The following NHSL1 variants were observed in gnomAD, a reference collection of about 807,000 sequenced individuals.
NHSL1 encodes NHS like 1.
Under a neutral mutation model 95.0 loss-of-function variants are expected in NHSL1, and 48 were observed. That is an observed-to-expected ratio of 0.51 (90% CI 0.40 to 0.64). The LOEUF (loss-of-function observed/expected upper bound fraction) is 0.64. Among genes scored for constraint, NHSL1 ranks in the 30% least tolerant of loss-of-function variants. The pLI is 0.00. For synonymous variants in NHSL1, 783 were observed against 833.9 expected (o/e 0.94, Z 1.05); for missense variants, 1,971 against 2,077.7 (o/e 0.95, Z 1.00).
rs74543056 is a variant in NHSL1, at chr6:138,510,133, A to G, written c.17-13762T>C. On this transcript the variant is annotated intron_variant, in intron 1 of 4. Transcript: ENST00000342260. ...AGAAAAAGGATAGAGTTAATTATTT[A>G]GTAAGCCATGAAACAATCGCTGTGA... 6.5e-3 allele frequency among the ~76,000 whole-genome samples: 990 copies of G among 152,366 alleles called. 9 individuals carry two copies. Among genetic ancestry groups the G allele is most frequent in the Middle Eastern group, 0.027 (8 of 294 alleles).
At chr6:138,617,615 T>C (rs1784597667) in intron 1 of NHSL1, among the ~76,000 whole-genome samples, 1 of 152,236 alleles carries the variant, frequency 6.6e-6, no homozygotes, top group Non-Finnish European at 1.5e-5. Context: ...GAATGCATGC[T>C]TGTGGAACAA....
At chr6:138,512,362 T>A in intron 1 of NHSL1, 2 of 453,070 alleles carry the variant, frequency 4.4e-6, no homozygotes, top group South Asian at 3.2e-5. Context: ...TCCCAGAGCA[T>A]CTATGGAGAA....
At chr6:138,525,322 T>A (rs902736977) in intron 1 of NHSL1, among the ~76,000 whole-genome samples, 1 of 151,986 alleles carries the variant, frequency 6.6e-6, no homozygotes, top group African/African-American at 2.4e-5. Flanking sequence ...GCCCGGGAGT[T>A]GGAGACCAGC....
At chr6:138,684,893 T>A (rs1758165641) in intron 1 of NHSL1, among the ~76,000 whole-genome samples, 1 of 152,186 alleles carries the variant, frequency 6.6e-6, no homozygotes, top group Non-Finnish European at 1.5e-5. Context: ...GAAACCAATT[T>A]GAGGAGAAAC....
chr6:138,544,749 C>G (rs117133614), intron 1 of NHSL1, among the ~76,000 whole-genome samples: 5,225 of 152,192 alleles, frequency 0.034, 144 homozygotes, highest in Admixed American at 0.097. Context: ...CCTCTACCCC[C>G]ACCATTTCAA....
In NHSL1 at chr6:138,431,025, T is replaced by C. The variant is rs780742164; in HGVS notation, c.3320A>G (p.Gln1107Arg). 1.2e-5 allele frequency: 18 copies of C among 1,552,202 alleles called. No homozygotes were observed. Among genetic ancestry groups the C allele is most frequent in the Admixed American group, 2.0e-5 (1 of 50,998 alleles). Reference protein sequence around the residue: ...AQEQRTPVAPQYHLKPSAFLK... With the variant: ...AQEQRTPVAPRYHLKPSAFLK... ...GAAAGCAGATGGCTTTAAGTGGTAC[T>C]GTGGAGCAACTGGAGTTCGTTGTTC... is the stretch of plus-strand genomic sequence containing the variant. Residue 1107 changes from glutamine (Q) to arginine (R), a missense_variant, in exon 6 of 8, where the codon CAG (glutamine) becomes CGG (arginine). By Grantham distance (43) the Gln-to-Arg change is conservative (BLOSUM62 1). Around this residue, in one of 3 missense-constraint regions of NHSL1, gnomAD observed 1,602 missense variants for 1,654.5 expected, o/e 0.97. Coordinates refer to ENST00000343505, the MANE Select transcript of NHSL1 (RefSeq NM_001144060.2). The surrounding 1 kb of genome is among the most constrained non-coding windows in gnomAD (Gnocchi z 4.0).
chr6:138,428,921 G>A (rs1775440731), intron 7 of NHSL1, among the ~76,000 whole-genome samples: 1 of 152,166 alleles, frequency 6.6e-6, no homozygotes, highest in South Asian at 2.1e-4. Flanking sequence ...ACAGCATTAC[G>A]GCTTAACGTA....
chr6:138,579,381 C>T (rs752134315), intron 1 of NHSL1, among the ~76,000 whole-genome samples: 1 of 152,166 alleles, frequency 6.6e-6, no homozygotes, highest in Non-Finnish European at 1.5e-5. Context: ...TTATAGCAAT[C>T]ATTCCTTTAT....
chr6:138,446,601 A>G (rs1250729491), intron 4 of NHSL1, among the ~76,000 whole-genome samples: 1 of 152,224 alleles, frequency 6.6e-6, no homozygotes, highest in Non-Finnish European at 1.5e-5. Flanking sequence ...GAAACATCAC[A>G]AAATAATTAT....
intron 1 of NHSL1, among the ~76,000 whole-genome samples, chr6:138,519,351 A>G (rs1479083061): frequency 2.0e-5 from 3 of 152,224 alleles, no homozygotes; most frequent in Non-Finnish European, 4.4e-5. Context: ...TGTTATCAAA[A>G]ACAAATGGAA....
chr6:138,491,804 T>C (rs538057572), intron 2 of NHSL1, among the ~76,000 whole-genome samples: 13 of 152,324 alleles, frequency 8.5e-5, no homozygotes, highest in African/African-American at 2.9e-4. Context: ...TTTTTTCTGA[T>C]TTTGGAATAT....
chr6:138,609,314 C>G (rs80280612), intron 1 of NHSL1, among the ~76,000 whole-genome samples: 1 of 152,050 alleles, frequency 6.6e-6, no homozygotes, highest in Admixed American at 6.5e-5. Context: ...GAATGTGAGA[C>G]GCAGAGTCGA....
rs1353484115 is a variant in NHSL1, at chr6:138,433,620, G to A, written c.725C>T (p.Ser242Phe). The change falls in exon 6 of 8, where the codon TCT becomes TTT. Residue 242 changes from serine (S) to phenylalanine (F), a missense_variant. Physicochemically the swap from Ser to Phe is radical, Grantham distance 155. Coordinates refer to ENST00000343505, the MANE Select transcript of NHSL1 (RefSeq NM_001144060.2). ...GHSVYTPDHYSTLGRFNSCRS... is the reference protein window; with the variant it reads ...GHSVYTPDHYFTLGRFNSCRS... ...ACAGCTATTGAACCTTCCTAGTGTA[G>A]AGTAGTGATCAGGGGTGTACACTGA... 6.4e-7 allele frequency: 1 copy of A among 1,552,162 alleles called. No individual in the cohort carries two copies. The highest frequency in any genetic ancestry group is 2.4e-5 in the East Asian group (1 of 40,906).
upstream of NHSL1, among the ~76,000 whole-genome samples, chr6:138,574,596 G>A (rs1013559373): frequency 2.6e-4 from 39 of 151,144 alleles, no homozygotes; most frequent in Non-Finnish European, 1.3e-4. Flanking sequence ...GGAGGCCAAG[G>A]TAGATGAATC....
At position 138,571,819 on chromosome 6, in the gene NHSL1, C is replaced by T. The variant is rs115567140; in HGVS notation, c.93G>A (p.Leu31=). 4 of 1,552,090 alleles carry T rather than the reference C, an allele frequency of 2.6e-6. No individual in the cohort carries two copies. The African/African-American group carries it at 5.5e-5, about 21-fold the overall frequency. ...GAAACAGCCTCTTTGTCTGCCTGGACAAGGAGGAGAAATTTATCCAACTTA... is the reference window on the plus strand; with the variant it reads ...GAAACAGCCTCTTTGTCTGCCTGGATAAGGAGGAGAAATTTATCCAACTTA... The change falls in exon 1 of 7, where the codon TTG becomes TTA. Residue 31 remains leucine (L), a synonymous_variant. Transcript: ENST00000427025.
rs1033219082 is a variant in NHSL1, at chr6:138,485,907, C to T, written c.211+10312G>A. Among the ~76,000 whole-genome samples, 18 of 152,256 alleles carry T rather than the reference C, an allele frequency of 1.2e-4. 1 individual carries two copies. Among genetic ancestry groups the T allele is most frequent in the African/African-American group, 4.1e-4 (17 of 41,542 alleles). On this transcript the variant is annotated intron_variant, in intron 2 of 7. Transcript: ENST00000343505. ...TTCACAAGACCTGAGCGAGAGAGCA[C>T]CAAATAAAGTCATCCTTTTCACCAA...
chr6:138,437,876 G>C (rs549807588), intron 5 of NHSL1, among the ~76,000 whole-genome samples: 1 of 152,196 alleles, frequency 6.6e-6, no homozygotes, highest in Non-Finnish European at 1.5e-5. Flanking sequence ...AGATGTGGCT[G>C]AATTGCTGCA....
rs1775006434 is a variant in NHSL1, at chr6:138,422,923, T to C, written c.*1158A>G. The C allele has an allele frequency of 6.6e-6, 1 of 152,048 alleles. No homozygotes were observed. Among genetic ancestry groups the C allele is most frequent in the South Asian group, 2.1e-4 (1 of 4,830 alleles). The allele number at this position is 152,048 out of a possible 1,614,324, so 9.4% of individuals were successfully genotyped here. A position where few individuals can be genotyped will look rare whatever the true frequency, so the allele number is the denominator to read the frequency against. On this transcript the variant is annotated 3_prime_UTR_variant, in exon 8 of 8. Transcript: ENST00000343505. ...ATTTTCTTCAAAGTAAGATAATATA[T>C]AATAGATTTTGATAAATCTTTCTGA...
At chr6:138,563,801 A>AAATGAAAGGGATTATATAGGCACATG (rs1783502894) in intron 1 of NHSL1, among the ~76,000 whole-genome samples, 1 of 152,120 alleles carries the variant, frequency 6.6e-6, no homozygotes, top group Non-Finnish European at 1.5e-5. Flanking sequence ...CTCCCTGGAG[A>AAATGAAAGGGATTATATAGGCACATG]AGGAGAGCAC....
Sources: gnomAD v4.1 joint callset for allele counts (sites outside exome capture counted in the v4.1 genomes callset) on GRCh38, gnomAD v4.1.1 for gene constraint, gnomAD v4.1.1 regional missense constraint, Gnocchi (gnomAD v3.1) non-coding constraint, MANE v1.5 for transcripts, NCBI Gene and HGNC (gene_info 2026-07-23, HGNC 2026-07-21) for gene names.